CPNE8: variants seen among roughly 807,000 people sequenced by gnomAD.
The protein encoded by CPNE8 is copine-8.
A neutral mutation model predicts 81.5 loss-of-function variants in CPNE8; 45 were observed. The observed-to-expected ratio is 0.55, with a 90% CI of 0.44 to 0.71. The LOEUF is 0.71. Among genes scored for constraint, CPNE8 ranks in the 30% least tolerant of loss-of-function variants. The pLI is 0.00. For synonymous variants in CPNE8, 252 were observed against 226.3 expected (o/e 1.11, Z -1.02); for missense variants, 594 against 672.1 (o/e 0.88, Z 1.28).
rs558981360 is a variant in CPNE8 at position 38,897,525 on chromosome 12, T to C, written c.98+7912A>G. The stretch of plus-strand genomic sequence containing the variant: ...AATACTGCACAGACATGGAAGGTTA[T>C]ATTTCCAAAAACTAATAACAACAAC... On this transcript the variant is annotated intron_variant, in intron 1 of 19. Coordinates refer to ENST00000331366, the MANE Select transcript of CPNE8 (RefSeq NM_153634.3). Among the ~76,000 whole-genome samples, 4 of 151,948 alleles carry C rather than the reference T, an allele frequency of 2.6e-5. No individual in the cohort carries two copies. The East Asian group carries it at 7.7e-4, about 29-fold the overall frequency.
intron 18 of CPNE8, among the ~76,000 whole-genome samples, chr12:38,674,321 C>A (rs1939241232): frequency 6.6e-6 from 1 of 152,058 alleles, no homozygotes; most frequent in South Asian, 2.1e-4. Flanking sequence ...TCTCTGAGGT[C>A]ATATGCCTAA....
At chr12:38,724,416 A>C (rs984407710) in intron 12 of CPNE8, among the ~76,000 whole-genome samples, 3 of 152,158 alleles carry the variant, frequency 2.0e-5, no homozygotes, top group Admixed American at 6.5e-5. Context: ...GATTTAGTAC[A>C]CCATTCCCAC....
intron 13 of CPNE8, among the ~76,000 whole-genome samples, chr12:38,713,961 A>G (rs1403445025): frequency 6.6e-6 from 1 of 152,126 alleles, no homozygotes; most frequent in East Asian, 1.9e-4. Flanking sequence ...TGTGCAACAA[A>G]ATTTGTGATC....
chr12:38,791,265 C>T (rs554071616), intron 6 of CPNE8, among the ~76,000 whole-genome samples: 3 of 151,738 alleles, frequency 2.0e-5, no homozygotes, highest in African/African-American at 7.2e-5. Flanking sequence ...TACCCTACCA[C>T]CTACTCAATG....
intron 10 of CPNE8, among the ~76,000 whole-genome samples, chr12:38,748,524 G>A (rs745462617): frequency 2.0e-5 from 3 of 149,706 alleles, no homozygotes; most frequent in Admixed American, 6.7e-5. Flanking sequence ...TTTCTGAGAC[G>A]GAGTCTCGCT....
intron 13 of CPNE8, among the ~76,000 whole-genome samples, chr12:38,718,308 G>T (rs1259246763): frequency 6.6e-6 from 1 of 152,100 alleles, no homozygotes; most frequent in African/African-American, 2.4e-5. Context: ...AAGGAATATA[G>T]CTCCAAACTA....
intron 3 of CPNE8, among the ~76,000 whole-genome samples, chr12:38,854,195 C>T (rs1943690021): frequency 6.6e-6 from 1 of 151,846 alleles, no homozygotes; most frequent in Admixed American, 6.6e-5. Context: ...GGATACCAAA[C>T]ATACAAACAC....
At chr12:38,688,977 T>C (rs1275933502) in intron 15 of CPNE8, among the ~76,000 whole-genome samples, 1 of 152,210 alleles carries the variant, frequency 6.6e-6, no homozygotes, top group African/African-American at 2.4e-5. Context: ...ACATTTTAAA[T>C]GTGTTTAAAA....
At chr12:38,693,984 G>T (rs908821850) in intron 14 of CPNE8, 146 bp from the exon 15 acceptor site, 1 of 518,208 alleles carries the variant, frequency 1.9e-6, no homozygotes, top group Admixed American at 4.0e-5. Context: ...CTTTTTGGAT[G>T]GATATTAACA....
intron 5 of CPNE8, among the ~76,000 whole-genome samples, chr12:38,830,757 C>G (rs184483274): frequency 1.9e-4 from 29 of 152,234 alleles, no homozygotes; most frequent in Non-Finnish European, 4.0e-4. Context: ...AAAAAGCCAA[C>G]CTATGGTGAG....
chr12:38,691,914 T>C (rs1939683453), intron 15 of CPNE8, among the ~76,000 whole-genome samples: 1 of 152,138 alleles, frequency 6.6e-6, no homozygotes. Flanking sequence ...CTTAATACTA[T>C]TACATTAGCA....
At chr12:38,699,470 T>G (rs1440798436) in intron 14 of CPNE8, among the ~76,000 whole-genome samples, 1 of 152,250 alleles carries the variant, frequency 6.6e-6, no homozygotes, top group Non-Finnish European at 1.5e-5. Flanking sequence ...TTCTCTACTT[T>G]GCTATTTTCA....
chr12:38,736,523 T>A (rs1940957804), intron 10 of CPNE8, among the ~76,000 whole-genome samples: 1 of 119,884 alleles, frequency 8.3e-6, no homozygotes, highest in South Asian at 2.4e-4. Flanking sequence ...AATTATTTTT[T>A]AAAAAAAAGA....
At chr12:38,899,550 T>C (rs1275464882) in intron 1 of CPNE8, among the ~76,000 whole-genome samples, 1 of 152,256 alleles carries the variant, frequency 6.6e-6, no homozygotes, top group Non-Finnish European at 1.5e-5. Context: ...TTTTCTTTTA[T>C]ATAAGGCTTT....
At chr12:38,820,412 A>G (rs1377752140) in intron 6 of CPNE8, among the ~76,000 whole-genome samples, 1 of 152,124 alleles carries the variant, frequency 6.6e-6, no homozygotes, top group Non-Finnish European at 1.5e-5. Flanking sequence ...CTCAGAAAAA[A>G]AAAAGAAAGA....
chr12:38,838,687 T>C (rs1390800953), intron 5 of CPNE8, among the ~76,000 whole-genome samples: 1 of 152,116 alleles, frequency 6.6e-6, no homozygotes, highest in African/African-American at 2.4e-5. Flanking sequence ...GCAATAAGCT[T>C]GTTGCAGCAT....
chr12:38,675,601 A>G (rs1160655544), intron 18 of CPNE8, 116 bp downstream of exon 18: 1 of 688,552 alleles, frequency 1.5e-6, no homozygotes, highest in Non-Finnish European at 2.5e-6. Flanking sequence ...CATTATATAC[A>G]AACCCAAATA....
At chr12:38,676,261 C>T (rs1939286784) in intron 17 of CPNE8, 1 of 967,360 alleles carries the variant, frequency 1.0e-6, no homozygotes, top group Non-Finnish European at 1.2e-6. Flanking sequence ...TACTTGATTC[C>T]ATTCTTATCC....
At chr12:38,682,328 C>T (rs565262129) in intron 16 of CPNE8, among the ~76,000 whole-genome samples, 1 of 152,312 alleles carries the variant, frequency 6.6e-6, no homozygotes, top group East Asian at 1.9e-4. Flanking sequence ...GAGGCCAAGG[C>T]GGGCGGATCG....
Sources: gnomAD v4.1 joint callset for allele counts (sites outside exome capture counted in the v4.1 genomes callset) on GRCh38, gnomAD v4.1.1 for gene constraint, MANE v1.5 for transcripts, NCBI Gene and HGNC (gene_info 2026-07-23, HGNC 2026-07-21) for gene names.